The following SGCZ variants were observed in gnomAD, a reference collection of about 807,000 sequenced individuals.
SGCZ encodes sarcoglycan zeta, also known as zeta-sarcoglycan.
In SGCZ, 40 loss-of-function variants were observed where a neutral mutation model predicts 41.3. That is an observed-to-expected ratio of 0.97 (90% CI 0.75 to 1.26). The LOEUF is 1.26. SGCZ is among the 50% of genes most tolerant of loss of function. SGCZ has a pLI of 0.00. For synonymous variants in SGCZ, 206 were observed against 137.5 expected (o/e 1.50, Z -3.49); for missense variants, 552 against 369.8 (o/e 1.49, Z -4.04).
chr8:14,643,135 T>C (rs1025203938), intron 1 of SGCZ, among the ~76,000 whole-genome samples: 14 of 151,574 alleles, frequency 9.2e-5, no homozygotes, highest in African/African-American at 3.4e-4. Flanking sequence ...TTTTAAAACA[T>C]GAATAGCAAA....
chr8:14,277,728 AAT>A (rs1800284820), intron 3 of SGCZ, among the ~76,000 whole-genome samples: 1 of 152,092 alleles, frequency 6.6e-6, no homozygotes, highest in Non-Finnish European at 1.5e-5. Flanking sequence ...CTAACTTCCT[AAT>A]CTTCTCTTGT....
intron 4 of SGCZ, among the ~76,000 whole-genome samples, chr8:14,169,661 C>T (rs1804315704): frequency 6.6e-6 from 1 of 152,156 alleles, no homozygotes. Flanking sequence ...CTATCTTTCG[C>T]TAGTAATTGT....
chr8:15,163,153 C>G (rs567949514), intron 1 of SGCZ, among the ~76,000 whole-genome samples: 3 of 152,206 alleles, frequency 2.0e-5, no homozygotes, highest in Non-Finnish European at 4.4e-5. Flanking sequence ...TTGGGGTCAT[C>G]TTTGCAAAGT....
At chr8:14,642,620 A>T (rs1380609491) in intron 1 of SGCZ, among the ~76,000 whole-genome samples, 1 of 151,510 alleles carries the variant, frequency 6.6e-6, no homozygotes, top group Non-Finnish European at 1.5e-5. Flanking sequence ...TGCTATGTTA[A>T]TTTTCAATGG....
chr8:14,919,390 G>T (rs1371588133), intron 1 of SGCZ, among the ~76,000 whole-genome samples: 3 of 151,990 alleles, frequency 2.0e-5, no homozygotes, highest in Admixed American at 6.6e-5. Context: ...ACAGTGAGCC[G>T]AGATCGCACC....
intron 2 of SGCZ, among the ~76,000 whole-genome samples, chr8:14,378,301 T>C (rs1287223272): frequency 7.9e-5 from 12 of 152,142 alleles, no homozygotes; most frequent in Non-Finnish European, 1.2e-4. Context: ...CATTTTTTCA[T>C]GTGTTTTTTG....
At chr8:15,038,366 T>C (rs568521477) in intron 1 of SGCZ, among the ~76,000 whole-genome samples, 4 of 152,226 alleles carry the variant, frequency 2.6e-5, no homozygotes, top group African/African-American at 9.6e-5. Context: ...AAGGATGATC[T>C]CTTCAATAAA....
intron 3 of SGCZ, among the ~76,000 whole-genome samples, chr8:14,274,827 T>A (rs972690776): frequency 6.6e-6 from 1 of 151,972 alleles, no homozygotes; most frequent in African/African-American, 2.4e-5. Flanking sequence ...ATAATATAGG[T>A]CTCATAATAA....
chr8:14,482,467 C>A (rs796237159), intron 2 of SGCZ, among the ~76,000 whole-genome samples: 15 of 152,238 alleles, frequency 9.9e-5, no homozygotes, highest in African/African-American at 3.6e-4. Flanking sequence ...TCCCTTACCG[C>A]TCTCAGAAAC....
At chr8:14,734,065 T>C (rs1027206703) in intron 1 of SGCZ, among the ~76,000 whole-genome samples, 1 of 152,172 alleles carries the variant, frequency 6.6e-6, no homozygotes, top group Non-Finnish European at 1.5e-5. Context: ...GAAAATGTTT[T>C]GACACAATCA....
chr8:14,882,820 C>T (rs560227709), intron 1 of SGCZ, among the ~76,000 whole-genome samples: 28 of 152,170 alleles, frequency 1.8e-4, no homozygotes, highest in Non-Finnish European at 3.7e-4. Context: ...TAGACCCTGT[C>T]GGCTCAGCAT....
chr8:15,071,650 A>G (rs1485991440), intron 1 of SGCZ, among the ~76,000 whole-genome samples: 1 of 152,198 alleles, frequency 6.6e-6, no homozygotes, highest in Non-Finnish European at 1.5e-5. Flanking sequence ...AATTCACAAT[A>G]TAGACAACTT....
chr8:14,888,251 G>A (rs910654897), intron 1 of SGCZ, among the ~76,000 whole-genome samples: 15 of 152,134 alleles, frequency 9.9e-5, no homozygotes, highest in East Asian at 3.8e-4. Flanking sequence ...GCAGGGCACC[G>A]TCTCATGGGT....
intron 4 of SGCZ, 23 bp downstream of exon 4, chr8:14,237,569 A>G: frequency 6.2e-7 from 1 of 1,605,410 alleles, no homozygotes; most frequent in Non-Finnish European, 8.5e-7. Context: ...CAGTAGGAGC[A>G]ATCTTTACCC....
At chr8:15,195,144 TAC>T (rs780759487) in intron 1 of SGCZ, among the ~76,000 whole-genome samples, 11 of 152,200 alleles carry the variant, frequency 7.2e-5, no homozygotes, top group Admixed American at 3.3e-4. Context: ...AAAACTGTAA[TAC>T]AGTCTCTAAT....
At chr8:14,112,745 A>G (rs2117015283) in intron 5 of SGCZ, among the ~76,000 whole-genome samples, 1 of 152,250 alleles carries the variant, frequency 6.6e-6, no homozygotes, top group African/African-American at 2.4e-5. Context: ...CATGAATAAC[A>G]TGATCTCTAA....
chr8:14,949,606 T>C (rs922318246), intron 1 of SGCZ, among the ~76,000 whole-genome samples: 1 of 152,112 alleles, frequency 6.6e-6, no homozygotes, highest in Admixed American at 6.5e-5. Context: ...AGATATTTTA[T>C]TGAGACATGG....
At chr8:14,383,420 G>C (rs147858399) in intron 2 of SGCZ, among the ~76,000 whole-genome samples, 7 of 152,118 alleles carry the variant, frequency 4.6e-5, no homozygotes, top group Non-Finnish European at 1.0e-4. Context: ...AATTTGCCCT[G>C]TATATAATCT....
At chr8:14,563,567 A>G (rs1258950380) in intron 1 of SGCZ, among the ~76,000 whole-genome samples, 1 of 152,230 alleles carries the variant, frequency 6.6e-6, no homozygotes, top group Non-Finnish European at 1.5e-5. Context: ...TGAATAAATT[A>G]TCCCACCTAA....
Sources: allele counts gnomAD v4.1 joint callset (sites outside exome capture counted in the v4.1 genomes callset), GRCh38; gene constraint gnomAD v4.1.1; transcripts MANE v1.5; gene names NCBI Gene and HGNC (gene_info 2026-07-23, HGNC 2026-07-21).